MPRIP: variants seen among roughly 807,000 people sequenced by gnomAD.
The protein encoded by MPRIP is myosin phosphatase Rho-interacting protein.
MPRIP carries 59 observed loss-of-function variants against 234.9 expected under a neutral mutation model. That is an observed-to-expected ratio of 0.25 (90% CI 0.20 to 0.31). The LOEUF is 0.31. Among genes scored for constraint, MPRIP ranks in the 10% least tolerant of loss-of-function variants. MPRIP has a pLI of 1.00. For missense variants in MPRIP, 2,436 were observed against 3,071.0 expected (o/e 0.79, Z 4.89); for synonymous variants, 1,144 against 1,263.9 (o/e 0.91, Z 2.01).
chr17:17,135,655 A>G (rs11652678), intron 5 of MPRIP, among the ~76,000 whole-genome samples: 19,821 of 152,138 alleles, frequency 0.13, 1,843 homozygotes, highest in East Asian at 0.3. Flanking sequence ...GGCCTCTTCT[A>G]TGAAGGCACT....
chr17:17,117,875 G>A (rs958271795), intron 3 of MPRIP, among the ~76,000 whole-genome samples: 2 of 152,216 alleles, frequency 1.3e-5, no homozygotes, highest in African/African-American at 2.4e-5. Context: ...CACAATTTGC[G>A]ACTTGCCCAG....
At chr17:17,073,056 C>T (rs560824787) in intron 1 of MPRIP, among the ~76,000 whole-genome samples, 5 of 152,270 alleles carry the variant, frequency 3.3e-5, no homozygotes, top group South Asian at 2.1e-4. Context: ...TACATCATCG[C>T]CAAAAGAAAC....
intron 1 of MPRIP, among the ~76,000 whole-genome samples, chr17:17,055,952 G>C (rs1051572951): frequency 1.5e-4 from 23 of 152,234 alleles, no homozygotes; most frequent in African/African-American, 4.6e-4. Flanking sequence ...GTAGAGAGAG[G>C]TAGTATAATA....
Position 17,143,677 on chromosome 17 carries a change from C to T in MPRIP, c.1503+8C>T. The T allele has an allele frequency of 6.3e-7, 1 of 1,576,776 alleles. No homozygotes were observed. Among genetic ancestry groups the T allele is most frequent in the Non-Finnish European group, 8.7e-7 (1 of 1,156,044 alleles). ...ACGGAGCCCTCCGTGACGGTGAGCCCAGGCGCCGCGTCCTCCGGAGGCCGT... is the reference window on the plus strand; with the variant it reads ...ACGGAGCCCTCCGTGACGGTGAGCCTAGGCGCCGCGTCCTCCGGAGGCCGT... On this transcript the variant is annotated splice_region_variant and intron_variant, in intron 9 of 23. Coordinates refer to ENST00000651222, the MANE Select transcript of MPRIP (RefSeq NM_001364716.4).
chr17:17,084,075 G>C (rs893011792), intron 3 of MPRIP, among the ~76,000 whole-genome samples: 1 of 152,188 alleles, frequency 6.6e-6, no homozygotes, highest in African/African-American at 2.4e-5. Flanking sequence ...CTCTAGCTCG[G>C]AGCTTTCCCA....
intron 3 of MPRIP, among the ~76,000 whole-genome samples, chr17:17,122,264 C>G (rs570740174): frequency 6.6e-6 from 1 of 152,236 alleles, no homozygotes; most frequent in African/African-American, 2.4e-5. Context: ...AATTTACACT[C>G]CCACCAACAG....
intron 5 of MPRIP, among the ~76,000 whole-genome samples, chr17:17,132,251 T>G (rs1222090182): frequency 2.6e-5 from 4 of 152,162 alleles, no homozygotes; most frequent in Non-Finnish European, 5.9e-5. Flanking sequence ...TGTGCAAGGC[T>G]TAGGGCATAG....
Position 17,188,963 on chromosome 17 carries a change from G to C in MPRIP, c.*4069G>C, listed in dbSNP as rs183762800. On this transcript the variant is annotated 3_prime_UTR_variant, in exon 24 of 24. Transcript: ENST00000651222. ...TCTGCTGGCCCCTGCTCCTTTGTAT[G>C]TTGGGTGACTTTAATGGCTGGCCAC... 6.6e-6 allele frequency: 1 copy of C among 152,394 alleles called. No individual in the cohort carries two copies. Among genetic ancestry groups the C allele is most frequent in the African/African-American group, 2.4e-5 (1 of 41,570 alleles). The allele number at this position is 152,394 out of a possible 1,614,324, so 9.4% of individuals were successfully genotyped here.
rs749125975 is a variant in MPRIP at position 17,126,870 on chromosome 17, T to C, written c.419+17T>C. On this transcript the variant is annotated intron_variant, in intron 4 of 23. Transcript: ENST00000651222. The stretch of plus-strand genomic sequence containing the variant: ...CGTCAGTGGGTGAGTATGCTGGCAC[T>C]GTGGAACAAGGCACCACCACCTGCC... 1.2e-6 allele frequency: 2 copies of C among 1,609,074 alleles called. No homozygotes were observed. The highest frequency in any genetic ancestry group is 1.7e-6 in the Non-Finnish European group (2 of 1,176,922).
chr17:17,191,381 A>G lies in MPRIP; in HGVS notation c.*6487A>G, dbSNP rs1307221334. The G allele has an allele frequency of 6.6e-6, 1 of 152,256 alleles. No individual in the cohort carries two copies. Among genetic ancestry groups the G allele is most frequent in the Non-Finnish European group, 1.5e-5 (1 of 68,054 alleles). 9.4% of individuals were successfully genotyped at this position (152,256 alleles called of 1,614,324 possible). ...CTCACTGGGCAGGGCTCTGTGGAGC[A>G]CTGGAGCTGTTTGGATTCCCCAGCC... On this transcript the variant is annotated 3_prime_UTR_variant, in exon 24 of 24. Coordinates refer to ENST00000651222, the MANE Select transcript of MPRIP (RefSeq NM_001364716.4).
At chr17:17,135,967 C>T (rs963849628) in intron 5 of MPRIP, among the ~76,000 whole-genome samples, 7 of 152,198 alleles carry the variant, frequency 4.6e-5, no homozygotes, top group Admixed American at 3.9e-4. Flanking sequence ...GATGCTGGAC[C>T]TGTCTCGAGG....
At chr17:17,111,247 AAAAAG>A (rs2090164916) in intron 3 of MPRIP, among the ~76,000 whole-genome samples, 2 of 150,060 alleles carry the variant, frequency 1.3e-5, no homozygotes, top group Admixed American at 1.3e-4. Flanking sequence ...AAAAAAAAAA[AAAAAG>A]TACCATAGAG....
intron 12 of MPRIP, 94 bp from the exon 13 acceptor site, chr17:17,154,212 G>C: frequency 9.6e-7 from 1 of 1,036,834 alleles, no homozygotes; most frequent in Non-Finnish European, 1.5e-6. Context: ...TCTCCCTGTG[G>C]GACTTTACCC....
intron 3 of MPRIP, among the ~76,000 whole-genome samples, chr17:17,104,628 C>G (rs1418960237): frequency 6.6e-6 from 1 of 152,196 alleles, no homozygotes; most frequent in Admixed American, 6.5e-5. Flanking sequence ...AGTACCTGTC[C>G]TGTGTCACAG....
intron 12 of MPRIP, among the ~76,000 whole-genome samples, chr17:17,151,171 C>T (rs1009792221): frequency 6.6e-6 from 1 of 152,098 alleles, no homozygotes; most frequent in Admixed American, 6.5e-5. Flanking sequence ...GTGCCCAGTC[C>T]TGCCCCCACT....
chr17:17,175,444 A>T, intron 20 of MPRIP, 32 bp downstream of exon 20: 1 of 1,565,694 alleles, frequency 6.4e-7, no homozygotes, highest in Non-Finnish European at 8.7e-7. Flanking sequence ...TGCCTGACTC[A>T]GCTCTGCACC....
In MPRIP at chr17:17,042,609, G is replaced by C. The variant is rs982696389; in HGVS notation, c.-240G>C. The C allele has an allele frequency of 5.4e-6, 1 of 186,566 alleles. No individual in the cohort carries two copies. Among genetic ancestry groups the C allele is most frequent in the Non-Finnish European group, 9.8e-6 (1 of 102,206 alleles). The allele number at this position is 186,566 out of a possible 1,614,324, so 11.6% of individuals were successfully genotyped here. A position where few individuals can be genotyped will look rare whatever the true frequency, so the allele number is the denominator to read the frequency against. The stretch of plus-strand genomic sequence containing the variant: ...GGCCCGAGGCCGCGTCCATGGGCCC[G>C]CGGCGGCCGGGCGGCGGCGGTGCGG... On this transcript the variant is annotated 5_prime_UTR_variant, in exon 1 of 24. Transcript: ENST00000651222.
chr17:17,174,141 C>G, intron 19 of MPRIP, 66 bp downstream of exon 19: 1 of 1,557,622 alleles, frequency 6.4e-7, no homozygotes, highest in South Asian at 1.2e-5. Flanking sequence ...GACCCATAGT[C>G]AGGTGAGTCC....
intron 3 of MPRIP, among the ~76,000 whole-genome samples, chr17:17,119,233 GC>G (rs1357196636): frequency 1.4e-4 from 21 of 152,222 alleles, no homozygotes; most frequent in Non-Finnish European, 2.2e-4. Context: ...CATGTCTGCA[GC>G]ACAGCCCACC....
Sources: gnomAD v4.1 joint callset for allele counts (sites outside exome capture counted in the v4.1 genomes callset) on GRCh38, gnomAD v4.1.1 for gene constraint, MANE v1.5 for transcripts, NCBI Gene and HGNC (gene_info 2026-07-23, HGNC 2026-07-21) for gene names.